The following GAS6 variants were observed in gnomAD, a reference collection of about 807,000 sequenced individuals.
The protein encoded by GAS6 is growth arrest specific 6, also known as growth arrest-specific protein 6.
Under a neutral mutation model 75.8 loss-of-function variants are expected in GAS6, and 41 were observed. That is an observed-to-expected ratio of 0.54 (90% CI 0.42 to 0.70). GAS6 has a LOEUF of 0.70. GAS6 is among the 30% of genes least tolerant of loss of function. GAS6 has a pLI of 0.00. For synonymous variants in GAS6, 432 were observed against 412.6 expected (o/e 1.05, Z -0.57); for missense variants, 854 against 940.2 (o/e 0.91, Z 1.20).
intron 13 of GAS6, chr13:113,823,067 G>A: frequency 3.3e-6 from 1 of 302,128 alleles, no homozygotes; most frequent in South Asian, 1.2e-4. Flanking sequence ...TTAAACACCA[G>A]AGACTAATTC....
At chr13:113,825,564 C>T (rs557549529) in intron 12 of GAS6, among the ~76,000 whole-genome samples, 28 of 152,262 alleles carry the variant, frequency 1.8e-4, no homozygotes, top group African/African-American at 5.1e-4. Flanking sequence ...CCGGCAGACG[C>T]GGCCGGCAGT....
chr13:113,829,168 A>G (rs1164434363), intron 10 of GAS6, among the ~76,000 whole-genome samples: 7 of 53,476 alleles, frequency 1.3e-4, no homozygotes, highest in Non-Finnish European at 1.6e-4. Flanking sequence ...TCCTCCCCTG[A>G]GCCAAGAGGG....
chr13:113,828,588 C>G lies in GAS6; in HGVS notation c.1267G>C (p.Val423Leu). Reference protein sequence around the residue: ...ERGLYHLNLTVGGIPFHEKDL... With the variant: ...ERGLYHLNLTLGGIPFHEKDL... Reference sequence around the variant, plus strand: ...TTCTCATGGAAGGGAATACCTCCCACGGTCAGGTTCAGATGATACAGTCCT... The same window carrying G: ...TTCTCATGGAAGGGAATACCTCCCAGGGTCAGGTTCAGATGATACAGTCCT... The change falls in exon 11 of 15, where the codon GTG becomes CTG. Residue 423 changes from valine to leucine, a missense_variant. Val to Leu is a conservative substitution (Grantham distance 32, BLOSUM62 1). Coordinates refer to ENST00000327773, the MANE Select transcript of GAS6 (RefSeq NM_000820.4). 1 of 1,613,560 alleles carries G rather than the reference C, an allele frequency of 6.2e-7. No homozygotes were observed. Among genetic ancestry groups the G allele is most frequent in the Non-Finnish European group, 8.5e-7 (1 of 1,179,984 alleles).
At chr13:113,826,432 AGGCACCTTCTCTCCCCAG>A (rs2051541884) in intron 12 of GAS6, among the ~76,000 whole-genome samples, 2 of 120,290 alleles carry the variant, frequency 1.7e-5, no homozygotes, top group African/African-American at 6.8e-5. Context: ...CTGGCCTCGC[AGGCACCTTCTCTCCCCAG>A]CCTCCCGGCG....
intron 2 of GAS6, among the ~76,000 whole-genome samples, chr13:113,856,077 T>C (rs1274351164): frequency 1.3e-5 from 2 of 152,168 alleles, no homozygotes; most frequent in Non-Finnish European, 2.9e-5. Flanking sequence ...AAAACCACCA[T>C]TTATGGTGGA....
chr13:113,826,385 G>A (rs1428529622), intron 12 of GAS6, among the ~76,000 whole-genome samples: 4 of 147,538 alleles, frequency 2.7e-5, no homozygotes, highest in East Asian at 2.0e-4. Context: ...CAGCCTCCCC[G>A]GCCTCGCAGG....
At chr13:113,849,129 G>C (rs1482233286) in intron 2 of GAS6, among the ~76,000 whole-genome samples, 1 of 152,204 alleles carries the variant, frequency 6.6e-6, no homozygotes, top group Non-Finnish European at 1.5e-5. Context: ...CCCTCCTGAG[G>C]CCTGCTTGGA....
In GAS6 at chr13:113,863,807, C is replaced by T; in HGVS notation, c.88+26G>A. The T allele has an allele frequency of 2.2e-6, 3 of 1,383,726 alleles. No individual in the cohort carries two copies. The highest frequency in any genetic ancestry group is 2.8e-6 in the Non-Finnish European group (3 of 1,081,058). The allele number at this position is 1,383,726 out of a possible 1,614,324, so 85.7% of individuals were successfully genotyped here. ...GGAGCCTCCTCCCGCCGCCCGGGGA[C>T]GGGGTCTCGGGCCCGCGGGACTCAC... On this transcript the variant is annotated intron_variant, in intron 1 of 14. Transcript: ENST00000327773. The surrounding 1 kb of genome is among the most constrained non-coding windows in gnomAD (Gnocchi z 9.4).
intron 4 of GAS6, chr13:113,840,162 TCA>T: frequency 2.9e-6 from 1 of 348,886 alleles, no homozygotes; most frequent in South Asian, 3.5e-5. Flanking sequence ...GCCTGGGAGC[TCA>T]GACCTCCCAG....
chr13:113,824,042 G>A (rs544013043), intron 12 of GAS6, among the ~76,000 whole-genome samples: 1 of 151,992 alleles, frequency 6.6e-6, no homozygotes, highest in South Asian at 2.1e-4. Flanking sequence ...ACGGTGGTCT[G>A]GGGTCTGAGC....
At chr13:113,851,406 G>C (rs1436227064) in intron 2 of GAS6, among the ~76,000 whole-genome samples, 1 of 151,124 alleles carries the variant, frequency 6.6e-6, no homozygotes, top group Non-Finnish European at 1.5e-5. Context: ...TACATGAATG[G>C]ATGAGTGGGT....
At chr13:113,832,514 C>A (rs750039866) in intron 9 of GAS6, 26 bp from the exon 10 acceptor site, 3 of 1,592,314 alleles carry the variant, frequency 1.9e-6, no homozygotes, top group East Asian at 4.5e-5. Flanking sequence ...AGAAATGAGT[C>A]AGCACTGGGC....
chr13:113,846,628 A>G (rs370385205), intron 3 of GAS6, 39 bp from the exon 4 acceptor site: 176 of 1,554,834 alleles, frequency 1.1e-4, no homozygotes, highest in Middle Eastern at 1.7e-4. Context: ...TCATCCTTAC[A>G]AGACCGGATG....
chr13:113,839,409 T>G, intron 5 of GAS6: 4 of 223,474 alleles, frequency 1.8e-5, no homozygotes, highest in East Asian at 1.0e-4. Flanking sequence ...CCCCCCGCCT[T>G]TCAATCAGTG....
At chr13:113,854,874 G>A (rs1161166934) in intron 2 of GAS6, among the ~76,000 whole-genome samples, 1 of 152,240 alleles carries the variant, frequency 6.6e-6, no homozygotes, top group Admixed American at 6.5e-5. Flanking sequence ...GCAGAAGGGA[G>A]CCTGGGAAAG....
intron 2 of GAS6, among the ~76,000 whole-genome samples, chr13:113,861,094 G>A (rs1164500084): frequency 1.3e-5 from 2 of 151,148 alleles, no homozygotes; most frequent in Non-Finnish European, 3.0e-5. Context: ...GGAAGAAGGC[G>A]CAACCAGGAA....
intron 4 of GAS6, among the ~76,000 whole-genome samples, chr13:113,846,176 G>A (rs374842458): frequency 1.7e-4 from 26 of 151,848 alleles, no homozygotes; most frequent in African/African-American, 5.3e-4. Flanking sequence ...GCCGCCACGC[G>A]TGTGAAGAGC....
Position 113,845,230 on chromosome 13 carries a change from G to A in GAS6, c.343+1297C>T, listed in dbSNP as rs2051824709. On this transcript the variant is annotated intron_variant, in intron 4 of 14. Transcript: ENST00000327773. This position sits in a 1 kb window ranked among gnomAD's most constrained non-coding sequence, Gnocchi z 4.3. ...GCCTGTGTCTCTTGGGCTGGGGTCTGTGATACAAGTCCGGGAGGCCAGAGA... is the reference window on the plus strand; with the variant it reads ...GCCTGTGTCTCTTGGGCTGGGGTCTATGATACAAGTCCGGGAGGCCAGAGA... 6.6e-6 allele frequency: 1 copy of A among 150,418 alleles called. No individual in the cohort carries two copies. The highest frequency in any genetic ancestry group is 2.1e-4 in the South Asian group (1 of 4,828). 9.3% of individuals were successfully genotyped at this position (150,418 alleles called of 1,614,324 possible). A position where few individuals can be genotyped will look rare whatever the true frequency, so the allele number is the denominator to read the frequency against.
chr13:113,858,750 A>G (rs1275948346), intron 2 of GAS6, among the ~76,000 whole-genome samples: 1 of 146,534 alleles, frequency 6.8e-6, no homozygotes, highest in Non-Finnish European at 1.5e-5. Flanking sequence ...CATGTCTGTT[A>G]GTATGTGTGT....
Sources: gnomAD v4.1 joint callset for allele counts (sites outside exome capture counted in the v4.1 genomes callset) on GRCh38, gnomAD v4.1.1 for gene constraint, Gnocchi (gnomAD v3.1) non-coding constraint, MANE v1.5 for transcripts, NCBI Gene and HGNC (gene_info 2026-07-23, HGNC 2026-07-21) for gene names.